CSMD1: variants seen among roughly 807,000 people sequenced by gnomAD.
The protein encoded by CSMD1 is CUB and sushi domain-containing protein 1.
In CSMD1, 213 loss-of-function variants were observed where a neutral mutation model predicts 417.5. The ratio of observed to expected loss-of-function variants is 0.51; its 90% CI spans 0.46 to 0.57. CSMD1 has a LOEUF of 0.57. CSMD1 is among the 20% of genes least tolerant of loss of function. The probability of loss-of-function intolerance (pLI) is 0.00; values close to 1 mark genes in which losing one functional copy is unlikely to be tolerated. For synonymous variants in CSMD1, 2,862 were observed against 1,736.8 expected, an observed-to-expected ratio of 1.65 and a Z score of -16.11; for missense variants, 6,923 against 4,529.7, an observed-to-expected ratio of 1.53 and a Z score of -15.17.
intron 4 of CSMD1, among the ~76,000 whole-genome samples, chr8:4,004,549 G>A (rs1233477632): frequency 1.3e-5 from 2 of 151,550 alleles, no homozygotes; most frequent in African/African-American, 4.8e-5. Context: ...AGTATTTTTA[G>A]CAACCTAATT....
At chr8:4,277,321 T>C (rs867782284) in intron 3 of CSMD1, among the ~76,000 whole-genome samples, 3 of 152,152 alleles carry the variant, frequency 2.0e-5, no homozygotes, top group African/African-American at 2.4e-5. Flanking sequence ...GGAACGGGAC[T>C]GACTTCCCTT....
intron 3 of CSMD1, among the ~76,000 whole-genome samples, chr8:4,320,212 C>T (rs1384118689): frequency 6.6e-6 from 1 of 152,084 alleles, no homozygotes; most frequent in Non-Finnish European, 1.5e-5. Context: ...TGATATCTCG[C>T]ATCTAAGCAA....
intron 28 of CSMD1, among the ~76,000 whole-genome samples, chr8:3,221,121 C>T (rs1360014920): frequency 1.3e-5 from 2 of 152,224 alleles, no homozygotes; most frequent in Non-Finnish European, 2.9e-5. Context: ...ACAGAAGTTC[C>T]CTCCTGGAAA....
chr8:3,900,188 AACAGTGCAGCTGGGTG>A (rs1317505856), intron 5 of CSMD1, among the ~76,000 whole-genome samples: 1 of 131,954 alleles, frequency 7.6e-6, no homozygotes, highest in African/African-American at 2.9e-5. Context: ...GTAGCTGGGT[AACAGTGCAGCTGGGTG>A]ACAGTGGAGC....
rs1471144083 is a variant in CSMD1 at position 4,026,728 on chromosome 8, C to T, written c.610+5177G>A. Among the ~76,000 whole-genome samples the T allele has an allele frequency of 3.3e-5, 5 of 152,142 alleles. No homozygotes were observed. The East Asian group carries it at 7.7e-4, about 24-fold the overall frequency. On this transcript the variant is annotated intron_variant, in intron 4 of 69. Transcript: ENST00000635120. ...TGAGAGATCAAGGGACTTCTTTTTT[C>T]CTTAAAGAAACTGTAATAAGGGGTT... is the stretch of plus-strand genomic sequence containing the variant.
intron 3 of CSMD1, among the ~76,000 whole-genome samples, chr8:4,114,845 C>T (rs1369035605): frequency 6.6e-6 from 1 of 152,158 alleles, no homozygotes; most frequent in Non-Finnish European, 1.5e-5. Context: ...GAAGACGTGA[C>T]TGAATTGCTG....
intron 29 of CSMD1, among the ~76,000 whole-genome samples, chr8:3,218,532 G>A (rs1479263677): frequency 4.2e-5 from 6 of 143,532 alleles, no homozygotes; most frequent in Non-Finnish European, 9.0e-5. Context: ...CAGCACTCCA[G>A]CCTGCATGAT....
chr8:4,839,998 G>T (rs183798283), intron 1 of CSMD1, among the ~76,000 whole-genome samples: 1 of 152,154 alleles, frequency 6.6e-6, no homozygotes, highest in Non-Finnish European at 1.5e-5. Context: ...GGAACTTACA[G>T]GTGCTTTTTG....
At chr8:3,401,396 C>T (rs1265132635) in intron 15 of CSMD1, among the ~76,000 whole-genome samples, 1 of 151,902 alleles carries the variant, frequency 6.6e-6, no homozygotes, top group Admixed American at 6.6e-5. Flanking sequence ...ATACTCTTAC[C>T]CATCACTTTG....
intron 3 of CSMD1, among the ~76,000 whole-genome samples, chr8:4,239,649 C>T (rs751897204): frequency 3.3e-5 from 5 of 152,100 alleles, no homozygotes; most frequent in South Asian, 4.2e-4. Flanking sequence ...CAGCCATGCT[C>T]GGGGTCACAG....
chr8:4,587,354 A>G (rs1168584607), intron 2 of CSMD1, among the ~76,000 whole-genome samples: 3 of 152,092 alleles, frequency 2.0e-5, no homozygotes, highest in African/African-American at 7.2e-5. Flanking sequence ...AGCTTTTCAA[A>G]GCATCAAGTT....
intron 11 of CSMD1, among the ~76,000 whole-genome samples, chr8:3,471,747 A>G (rs566313292): frequency 6.8e-4 from 102 of 150,326 alleles, no homozygotes; most frequent in Non-Finnish European, 5.5e-4. Flanking sequence ...ATTCCCTAAG[A>G]TAAGTGAATA....
intron 3 of CSMD1, among the ~76,000 whole-genome samples, chr8:4,359,852 G>T (rs532720316): frequency 8.5e-5 from 13 of 152,362 alleles, no homozygotes; most frequent in South Asian, 4.1e-4. Flanking sequence ...AAGACTCAGT[G>T]CAAGTCCAGA....
chr8:4,768,033 T>A (rs775194903), intron 1 of CSMD1, among the ~76,000 whole-genome samples: 20 of 152,050 alleles, frequency 1.3e-4, no homozygotes, highest in Non-Finnish European at 1.8e-4. Context: ...GACACATGCG[T>A]TGAGTTAGTC....
chr8:4,856,038 G>T (rs1184064027), intron 1 of CSMD1, among the ~76,000 whole-genome samples: 1 of 152,124 alleles, frequency 6.6e-6, no homozygotes, highest in Non-Finnish European at 1.5e-5. Flanking sequence ...CCCTCAAAAG[G>T]AAGCCCATCA....
At chr8:4,460,355 G>C (rs1217788690) in intron 2 of CSMD1, among the ~76,000 whole-genome samples, 1 of 152,026 alleles carries the variant, frequency 6.6e-6, no homozygotes, top group Non-Finnish European at 1.5e-5. Flanking sequence ...GGGAAATTTA[G>C]AGTAGTAAAT....
chr8:4,619,462 G>A (rs1301646413), intron 2 of CSMD1, among the ~76,000 whole-genome samples: 1 of 152,160 alleles, frequency 6.6e-6, no homozygotes, highest in African/African-American at 2.4e-5. Context: ...TAGTGTAGTA[G>A]AAGTAGCAAG....
intron 3 of CSMD1, among the ~76,000 whole-genome samples, chr8:4,034,425 G>C (rs1408214583): frequency 6.6e-6 from 1 of 152,138 alleles, no homozygotes; most frequent in Non-Finnish European, 1.5e-5. Flanking sequence ...ACTATTGTCT[G>C]CAATCATTTT....
intron 7 of CSMD1, among the ~76,000 whole-genome samples, chr8:3,665,157 A>G (rs1460273792): frequency 6.6e-6 from 1 of 152,214 alleles, no homozygotes; most frequent in East Asian, 1.9e-4. Context: ...GCATTGACCA[A>G]TGAGATAAAA....
Sources: gnomAD v4.1 joint callset for allele counts (sites outside exome capture counted in the v4.1 genomes callset) on GRCh38, gnomAD v4.1.1 for gene constraint, MANE v1.5 for transcripts, NCBI Gene and HGNC (gene_info 2026-07-23, HGNC 2026-07-21) for gene names.